UMAD1: variants seen among roughly 807,000 people sequenced by gnomAD.
The protein encoded by UMAD1 is UBAP1-MVB12-associated (UMA)-domain containing protein 1.
A neutral mutation model predicts 6.1 loss-of-function variants in UMAD1; 8 were observed. The ratio of observed to expected loss-of-function variants is 1.30; its 90% CI spans 0.76 to 2.35. The LOEUF is 2.35. UMAD1 is among the 30% of genes most tolerant of loss of function. The pLI is 0.00. For synonymous variants in UMAD1, 56 were observed against 31.4 expected, an observed-to-expected ratio of 1.78 and a Z score of -2.61; for missense variants, 130 against 78.4, an observed-to-expected ratio of 1.66 and a Z score of -2.49.
intron 1 of UMAD1, among the ~76,000 whole-genome samples, chr7:7,664,929 A>G (rs979671438): frequency 3.9e-5 from 6 of 152,136 alleles, no homozygotes; most frequent in Admixed American, 2.6e-4. Flanking sequence ...ATCGTTCAGG[A>G]TTTTAATTTT....
At chr7:7,734,411 C>T (rs545919273) in intron 2 of UMAD1, among the ~76,000 whole-genome samples, 1 of 151,950 alleles carries the variant, frequency 6.6e-6, no homozygotes, top group African/African-American at 2.4e-5. Flanking sequence ...GGTTTGAAAC[C>T]TTAAGAATTT....
intron 1 of UMAD1, among the ~76,000 whole-genome samples, chr7:7,652,849 T>C (rs1785254568): frequency 6.6e-6 from 1 of 152,218 alleles, no homozygotes; most frequent in Non-Finnish European, 1.5e-5. Context: ...CAAATAATTT[T>C]TAGTTGGCAG....
At chr7:7,691,373 C>G (rs183688331) in intron 2 of UMAD1, among the ~76,000 whole-genome samples, 3 of 152,080 alleles carry the variant, frequency 2.0e-5, no homozygotes, top group Admixed American at 2.0e-4. Flanking sequence ...TAAAATAAAC[C>G]AAACATTAAT....
intron 2 of UMAD1, among the ~76,000 whole-genome samples, chr7:7,754,801 A>G (rs111253851): frequency 1.6e-4 from 25 of 152,328 alleles, no homozygotes; most frequent in African/African-American, 3.8e-4. Flanking sequence ...ACATCACTGC[A>G]GTATGTGTAC....
At chr7:7,823,232 C>T (rs956812341) in intron 3 of UMAD1, among the ~76,000 whole-genome samples, 1 of 152,014 alleles carries the variant, frequency 6.6e-6, no homozygotes, top group African/African-American at 2.4e-5. Context: ...AATGTCACCC[C>T]CAAAAAGATA....
At chr7:7,744,523 T>C (rs1421453890) in intron 2 of UMAD1, among the ~76,000 whole-genome samples, 1 of 152,094 alleles carries the variant, frequency 6.6e-6, no homozygotes, top group East Asian at 1.9e-4. Context: ...ATTTGCTCCA[T>C]TTCATAGTCC....
chr7:7,852,323 A>G (rs1783931254), intron 3 of UMAD1, among the ~76,000 whole-genome samples: 1 of 152,190 alleles, frequency 6.6e-6, no homozygotes, highest in South Asian at 2.1e-4. Context: ...CAAGCAGGCA[A>G]TTAGTTCTGT....
chr7:7,833,968 A>G (rs1337419560), intron 3 of UMAD1, among the ~76,000 whole-genome samples: 1 of 144,094 alleles, frequency 6.9e-6, no homozygotes, highest in Non-Finnish European at 1.5e-5. Flanking sequence ...AGTCTCAAGA[A>G]TGTGGAGATC....
At chr7:7,861,084 T>C (rs1051811777) in intron 3 of UMAD1, among the ~76,000 whole-genome samples, 1 of 152,152 alleles carries the variant, frequency 6.6e-6, no homozygotes, top group Non-Finnish European at 1.5e-5. Flanking sequence ...TACAAAAAGC[T>C]TACCCAGGGC....
At chr7:7,802,376 C>CA (rs56327681) in intron 3 of UMAD1, among the ~76,000 whole-genome samples, 104 of 42,370 alleles carry the variant, frequency 2.5e-3, no homozygotes, top group East Asian at 9.9e-3. Flanking sequence ...GACTCCGTCT[C>CA]AAAAAAAAAA....
intron 2 of UMAD1, among the ~76,000 whole-genome samples, chr7:7,769,525 T>C (rs1391691239): frequency 2.6e-5 from 4 of 152,152 alleles, no homozygotes; most frequent in African/African-American, 9.7e-5. Context: ...ATCATATGAT[T>C]CCTTCCCCAG....
intron 2 of UMAD1, among the ~76,000 whole-genome samples, chr7:7,698,584 G>C (rs1271509494): frequency 1.3e-5 from 2 of 151,934 alleles, no homozygotes; most frequent in African/African-American, 4.8e-5. Flanking sequence ...TCGTAGAACT[G>C]GAGATCCTGT....
intron 2 of UMAD1, among the ~76,000 whole-genome samples, chr7:7,743,430 T>G (rs188025501): frequency 6.6e-6 from 1 of 152,220 alleles, no homozygotes; most frequent in Non-Finnish European, 1.5e-5. Context: ...GATACAAAAT[T>G]TATAAATTAT....
chr7:7,741,493 C>T (rs886777531), intron 2 of UMAD1, among the ~76,000 whole-genome samples: 2 of 151,388 alleles, frequency 1.3e-5, no homozygotes, highest in East Asian at 1.9e-4. Flanking sequence ...AGGAGAATGG[C>T]GTGAACCCAG....
intron 3 of UMAD1, among the ~76,000 whole-genome samples, chr7:7,821,225 C>T (rs1197406174): frequency 1.3e-5 from 2 of 152,074 alleles, no homozygotes; most frequent in Non-Finnish European, 2.9e-5. Context: ...AATGCAGTCA[C>T]CACTTGCCGC....
rs1000855417 is a variant in UMAD1 at position 7,830,829 on chromosome 7, T to G, written c.156+29086T>G. On this transcript the variant is annotated intron_variant, in intron 3 of 3. Coordinates refer to ENST00000682710, the MANE Select transcript of UMAD1 (RefSeq NM_001302348.2). This position sits in a 1 kb window ranked among gnomAD's most constrained non-coding sequence, Gnocchi z 5.3. ...CTGGATAAGTGAAGTGAATGTAAAT[T>G]GAAGCCTGTTTATATCTTCCCATCT... is the stretch of plus-strand genomic sequence containing the variant. Among the ~76,000 whole-genome samples, 3 of 152,176 alleles carry G rather than the reference T, an allele frequency of 2.0e-5. No homozygotes were observed. Among genetic ancestry groups the G allele is most frequent in the Non-Finnish European group, 2.9e-5 (2 of 68,022 alleles).
At chr7:7,860,427 C>A (rs1199295537) in intron 3 of UMAD1, among the ~76,000 whole-genome samples, 1 of 151,902 alleles carries the variant, frequency 6.6e-6, no homozygotes, top group East Asian at 1.9e-4. Flanking sequence ...CCTAATGAAT[C>A]TGTTAGACTT....
At chr7:7,649,411 G>A (rs1046688420) in intron 1 of UMAD1, among the ~76,000 whole-genome samples, 2 of 152,072 alleles carry the variant, frequency 1.3e-5, no homozygotes, top group East Asian at 1.9e-4. Context: ...CCATTTATGA[G>A]GTCAGAGCTC....
At chr7:7,791,108 G>C (rs967098408) in intron 2 of UMAD1, among the ~76,000 whole-genome samples, 1 of 152,140 alleles carries the variant, frequency 6.6e-6, no homozygotes, top group Admixed American at 6.5e-5. Context: ...GGCTGGTCTC[G>C]AACTCCCCAC....
Sources: allele counts gnomAD v4.1 joint callset (sites outside exome capture counted in the v4.1 genomes callset), GRCh38; gene constraint gnomAD v4.1.1; non-coding constraint Gnocchi (gnomAD v3.1); transcripts MANE v1.5; gene names NCBI Gene and HGNC (gene_info 2026-07-23, HGNC 2026-07-21).